Variants in TEX11 observed in about 807,000 individuals in gnomAD.
TEX11 encodes the protein testis expressed 11.
TEX11 carries 7 observed loss-of-function variants against 84.4 expected under a neutral mutation model. The ratio of observed to expected loss-of-function variants is 0.08; its 90% CI spans 0.05 to 0.16. The LOEUF is 0.16. TEX11 is among the 10% of genes least tolerant of loss of function. TEX11 has a pLI of 1.00. For synonymous variants in TEX11, 264 were observed against 222.8 expected, an observed-to-expected ratio of 1.18 and a Z score of -1.64; for missense variants, 551 against 660.5, an observed-to-expected ratio of 0.83 and a Z score of 1.82.
At chrX:70,768,009 T>G (rs2090951176) in intron 9 of TEX11, among the ~76,000 whole-genome samples, 1 of 108,998 alleles carries the variant, frequency 9.2e-6, no homozygotes, top group Non-Finnish European at 1.9e-5. Flanking sequence ...TGAGGGGAGG[T>G]GAGGATGATT....
At chrX:70,740,236 T>G (rs1192201593) in intron 11 of TEX11, among the ~76,000 whole-genome samples, 1 of 111,688 alleles carries the variant, frequency 9.0e-6, no homozygotes, top group Non-Finnish European at 1.9e-5. Flanking sequence ...CTCACAGTTC[T>G]GAAGGCTGGG....
At chrX:70,730,372 G>C (rs76339171) in intron 11 of TEX11, among the ~76,000 whole-genome samples, 1 of 111,713 alleles carries the variant, frequency 9.0e-6, no homozygotes, top group Non-Finnish European at 1.9e-5. Flanking sequence ...TGGATAAAGA[G>C]TCAAGACCCA....
At chrX:70,763,134 G>A (rs73544717) in intron 9 of TEX11, among the ~76,000 whole-genome samples, 8,083 of 111,778 alleles carry the variant, frequency 0.072, 599 homozygotes, top group African/African-American at 0.22. Flanking sequence ...TAAATCATAC[G>A]AAAAAACACA....
intron 2 of TEX11, among the ~76,000 whole-genome samples, chrX:70,891,387 G>A (rs754641546): frequency 3.6e-5 from 4 of 111,580 alleles, no homozygotes; most frequent in South Asian, 3.8e-4. Flanking sequence ...TGACTTTGAC[G>A]AGCTGACAGA....
At chrX:70,755,321 CAG>C (rs2090859573) in intron 9 of TEX11, among the ~76,000 whole-genome samples, 1 of 111,798 alleles carries the variant, frequency 8.9e-6, no homozygotes, top group African/African-American at 3.3e-5. Context: ...AAGAATAAAG[CAG>C]AAATTCTGGA....
intron 1 of TEX11, 38 bp from the exon 2 acceptor site, chrX:70,907,848 C>T (rs2091842469): frequency 1.2e-6 from 1 of 853,887 alleles, no homozygotes; most frequent in Admixed American, 2.4e-5. Context: ...TCTGTTTTAT[C>T]CTCTAGTTTC....
At chrX:70,560,861 C>T (rs747978816) in intron 25 of TEX11, among the ~76,000 whole-genome samples, 70 of 101,258 alleles carry the variant, frequency 6.9e-4, no homozygotes, top group Admixed American at 1.8e-3. Flanking sequence ...TAGCTGTGAC[C>T]ACTGTGACCA....
At chrX:70,823,609 A>G (rs1390974524) in intron 8 of TEX11, among the ~76,000 whole-genome samples, 2 of 111,782 alleles carry the variant, frequency 1.8e-5, no homozygotes, top group South Asian at 3.8e-4. Flanking sequence ...AAAGGACACA[A>G]ATAGATCACC....
chrX:70,825,838 G>A (rs1269683477), intron 8 of TEX11, among the ~76,000 whole-genome samples: 1 of 110,174 alleles, frequency 9.1e-6, no homozygotes, highest in Non-Finnish European at 1.9e-5. Flanking sequence ...TTAGCTGGAC[G>A]TAGTGGCAGG....
chrX:70,597,720 T>C (rs2147507098), intron 24 of TEX11, among the ~76,000 whole-genome samples: 1 of 111,925 alleles, frequency 8.9e-6, no homozygotes, highest in Non-Finnish European at 1.9e-5. Flanking sequence ...AAAATGGTCT[T>C]AGATATGATA....
At chrX:70,577,487 T>TA (rs2088691032) in intron 25 of TEX11, among the ~76,000 whole-genome samples, 1 of 109,264 alleles carries the variant, frequency 9.2e-6, no homozygotes, top group South Asian at 3.9e-4. Context: ...ACAAAGAAGG[T>TA]AAAAAAATAA....
intron 13 of TEX11, among the ~76,000 whole-genome samples, chrX:70,691,225 T>C (rs1489250239): frequency 9.0e-6 from 1 of 111,686 alleles, no homozygotes; most frequent in Non-Finnish European, 1.9e-5. Flanking sequence ...GAATGTAAAA[T>C]GGTACAGCCA....
intron 13 of TEX11, among the ~76,000 whole-genome samples, chrX:70,702,359 A>AT (rs764692965): frequency 3.4e-4 from 37 of 110,359 alleles, no homozygotes; most frequent in Admixed American, 1.7e-3. Context: ...TCAGATTATT[A>AT]TTTTTTTTTA....
intron 9 of TEX11, among the ~76,000 whole-genome samples, chrX:70,799,054 G>C (rs1332730185): frequency 9.0e-6 from 1 of 111,645 alleles, no homozygotes; most frequent in East Asian, 2.8e-4. Context: ...TGAAGAGACA[G>C]CCTGTGGAAT....
chrX:70,536,681 G>T (rs1350873409), intron 28 of TEX11, among the ~76,000 whole-genome samples: 2 of 111,959 alleles, frequency 1.8e-5, no homozygotes, highest in African/African-American at 6.5e-5. Flanking sequence ...TAATCTCTTT[G>T]TAGATTTTTG....
At position 70,893,816 on chromosome X, in the gene TEX11, G is replaced by A. The variant is rs184910510; in HGVS notation, c.38-13707C>T. ...GTTTTTTGAAAAGATTAACAGAATA[G>A]ATAGACCACTAGCTAGACTAATAAA... On this transcript the variant is annotated intron_variant, in intron 2 of 29. Coordinates refer to ENST00000374333, the MANE Select transcript of TEX11 (RefSeq NM_031276.3). Among the ~76,000 whole-genome samples the A allele has an allele frequency of 3.0e-4, 33 of 111,371 alleles. No homozygotes were observed. The East Asian group carries it at 8.9e-3, about 30-fold the overall frequency.
chrX:70,544,957 C>T (rs2088101380), intron 28 of TEX11, among the ~76,000 whole-genome samples: 1 of 109,064 alleles, frequency 9.2e-6, no homozygotes, highest in African/African-American at 3.4e-5. Context: ...GTAATCCCAG[C>T]ACTTTGGGAG....
intron 24 of TEX11, among the ~76,000 whole-genome samples, chrX:70,600,178 C>G (rs1321290935): frequency 9.0e-6 from 1 of 111,435 alleles, no homozygotes; most frequent in Non-Finnish European, 1.9e-5. Context: ...CTCTCCAGCA[C>G]CTGTTGTTTC....
In TEX11 at chrX:70,705,806, C is replaced by T. The variant is rs182955836; in HGVS notation, c.1004+16812G>A. 2.7e-5 allele frequency among the ~76,000 whole-genome samples: 3 copies of T among 111,590 alleles called. No homozygotes were observed. The Admixed American group carries it at 2.9e-4, about 11-fold the overall frequency. The stretch of plus-strand genomic sequence containing the variant: ...ATGGCATCATTAAAAAGTCAGGAAA[C>T]AACAGGTGCTGGTGAGGATGTGAAA... On this transcript the variant is annotated intron_variant, in intron 13 of 29. Transcript: ENST00000374333.
Sources: allele counts gnomAD v4.1 joint callset (sites outside exome capture counted in the v4.1 genomes callset), GRCh38; gene constraint gnomAD v4.1.1; transcripts MANE v1.5; gene names NCBI Gene and HGNC (gene_info 2026-07-23, HGNC 2026-07-21).